Variants in FHOD3 observed in about 807,000 individuals in gnomAD.
FHOD3 encodes the protein formin homology 2 domain containing 3, also known as FH1/FH2 domain-containing protein 3.
Under a neutral mutation model 173.0 loss-of-function variants are expected in FHOD3, and 90 were observed. The ratio of observed to expected loss-of-function variants is 0.52; its 90% confidence interval spans 0.44 to 0.62. The LOEUF (loss-of-function observed/expected upper bound fraction) is 0.62. FHOD3 is among the 20% of genes least tolerant of loss of function. The probability of loss-of-function intolerance (pLI) is 0.00; values close to 1 mark genes in which losing one functional copy is unlikely to be tolerated. For missense variants in FHOD3, 1,945 were observed against 2,034.7 expected (o/e 0.96, Z 0.85); for synonymous variants, 828 against 823.0 (o/e 1.01, Z -0.10).
chr18:36,450,352 A>G (rs931257363), intron 3 of FHOD3, among the ~76,000 whole-genome samples: 1 of 152,214 alleles, frequency 6.6e-6, no homozygotes, highest in Non-Finnish European at 1.5e-5. Context: ...GGCTGCATGC[A>G]GGGGCTCTGA....
chr18:36,310,942 A>G (rs906631186), intron 1 of FHOD3, among the ~76,000 whole-genome samples: 8 of 152,136 alleles, frequency 5.3e-5, no homozygotes, highest in African/African-American at 1.9e-4. Context: ...CTAAGCTAAT[A>G]TATGGGGTTG....
intron 5 of FHOD3, among the ~76,000 whole-genome samples, chr18:36,514,890 G>A (rs1157727358): frequency 6.6e-6 from 1 of 152,214 alleles, no homozygotes; most frequent in African/African-American, 2.4e-5. Context: ...CTGGCAGAGT[G>A]AGTGCCTTCC....
intron 3 of FHOD3, among the ~76,000 whole-genome samples, chr18:36,459,782 C>T (rs981869137): frequency 1.3e-5 from 2 of 152,124 alleles, no homozygotes; most frequent in African/African-American, 4.8e-5. Flanking sequence ...TTATTAACAG[C>T]TTACACTAAG....
At chr18:36,601,126 A>C (rs1007710981) in intron 7 of FHOD3, among the ~76,000 whole-genome samples, 1 of 152,216 alleles carries the variant, frequency 6.6e-6, no homozygotes, top group Non-Finnish European at 1.5e-5. Context: ...AAGTAGTTTG[A>C]TGATCAATAT....
intron 1 of FHOD3, among the ~76,000 whole-genome samples, chr18:36,314,295 G>A (rs1252560227): frequency 2.0e-5 from 3 of 152,146 alleles, no homozygotes; most frequent in East Asian, 3.9e-4. Context: ...CAGGGACAAC[G>A]CCTATGACAG....
chr18:36,469,904 G>A (rs1005960054), intron 3 of FHOD3, among the ~76,000 whole-genome samples: 9 of 152,206 alleles, frequency 5.9e-5, no homozygotes, highest in African/African-American at 9.6e-5. Context: ...ATCAAGCCAC[G>A]TTCATGCATA....
intron 20 of FHOD3, among the ~76,000 whole-genome samples, 200 bp downstream of exon 20, chr18:36,731,004 C>T (rs1450548568): frequency 1.3e-5 from 2 of 152,174 alleles, no homozygotes; most frequent in African/African-American, 4.8e-5. Flanking sequence ...GCAATCTTCA[C>T]TCAGGTTCAT....
chr18:36,581,285 A>AT (rs2148092889), intron 6 of FHOD3, among the ~76,000 whole-genome samples: 1 of 152,322 alleles, frequency 6.6e-6, no homozygotes, highest in South Asian at 2.1e-4. Context: ...ATTCTAATTA[A>AT]TTGGAGTAAG....
chr18:36,667,426 A>G (rs1406974270), intron 14 of FHOD3, among the ~76,000 whole-genome samples: 1 of 152,208 alleles, frequency 6.6e-6, no homozygotes, highest in Non-Finnish European at 1.5e-5. Flanking sequence ...AGATAAACAA[A>G]GATAGAGACA....
chr18:36,445,026 A>G (rs529565100), intron 3 of FHOD3, among the ~76,000 whole-genome samples: 1 of 152,358 alleles, frequency 6.6e-6, no homozygotes, highest in South Asian at 2.1e-4. Flanking sequence ...TTTCCTTCCA[A>G]AAGATTGTAG....
In FHOD3 at chr18:36,652,545, C is replaced by T. The variant is rs1409144405; in HGVS notation, c.1287-25C>T. The T allele has an allele frequency of 4.7e-6, 7 of 1,503,108 alleles. No homozygotes were observed. The Admixed American group carries it at 6.5e-5, about 14-fold the overall frequency. 93.1% of individuals were successfully genotyped at this position (1,503,108 alleles called of 1,614,324 possible). ...TCTCCCAAATCTTTTTTTCTTCTTC[C>T]TCCTCCTCCCTGCTGGCCCAACAGC... On this transcript the variant is annotated intron_variant, in intron 11 of 28. Transcript: ENST00000590592.
At chr18:36,505,301 G>A (rs1183996424) in intron 4 of FHOD3, among the ~76,000 whole-genome samples, 1 of 152,258 alleles carries the variant, frequency 6.6e-6, no homozygotes, top group African/African-American at 2.4e-5. Flanking sequence ...AAACTGGGCA[G>A]TGGCGTAAGT....
intron 16 of FHOD3, among the ~76,000 whole-genome samples, 185 bp downstream of exon 16, chr18:36,687,363 T>G (rs1029009476): frequency 2.0e-5 from 3 of 152,230 alleles, no homozygotes; most frequent in African/African-American, 7.2e-5. Flanking sequence ...AGTTGTCATT[T>G]GGTGCCATCA....
In FHOD3 at chr18:36,744,025, A is replaced by G. The variant is rs756720729; in HGVS notation, c.3880-7A>G. 1 of 1,613,958 alleles carries G rather than the reference A, an allele frequency of 6.2e-7. No homozygotes were observed. The highest frequency in any genetic ancestry group is 1.3e-5 in the African/African-American group (1 of 74,920). ...AAACATGTCTTTTATTGATGTTTGC[A>G]AAACAGGCCAAAGCGTTTGAGTTAA... On this transcript the variant is annotated splice_polypyrimidine_tract_variant and splice_region_variant and intron_variant, in intron 22 of 28. Transcript: ENST00000590592.
At chr18:36,666,512 G>A (rs2037193040) in intron 14 of FHOD3, among the ~76,000 whole-genome samples, 1 of 152,184 alleles carries the variant, frequency 6.6e-6, no homozygotes, top group African/African-American at 2.4e-5. Flanking sequence ...TAGCCAGGTT[G>A]TGAGGACGAT....
intron 16 of FHOD3, among the ~76,000 whole-genome samples, chr18:36,691,295 T>C (rs1402336398): frequency 6.6e-6 from 1 of 152,240 alleles, no homozygotes; most frequent in East Asian, 1.9e-4. Flanking sequence ...ATTTGATTTC[T>C]TGCAGTGGGA....
chr18:36,393,283 G>T (rs906566036), intron 3 of FHOD3, among the ~76,000 whole-genome samples: 4 of 152,146 alleles, frequency 2.6e-5, no homozygotes, highest in African/African-American at 9.7e-5. Context: ...GCATTTAGGG[G>T]TCCAGATCTT....
intron 18 of FHOD3, among the ~76,000 whole-genome samples, chr18:36,716,908 A>ATATGTGTGTG (rs1555818864): frequency 5.2e-5 from 7 of 135,342 alleles, no homozygotes; most frequent in African/African-American, 1.9e-4. Context: ...GAAATTATAT[A>ATATGTGTGTG]TGTGTATGTG....
chr18:36,429,947 C>T (rs16967854), intron 3 of FHOD3, among the ~76,000 whole-genome samples: 4,840 of 152,244 alleles, frequency 0.032, 241 homozygotes, highest in African/African-American at 0.11. Flanking sequence ...TTCGACCAGA[C>T]TCTGCAAGCT....
Sources: allele counts gnomAD v4.1 joint callset (sites outside exome capture counted in the v4.1 genomes callset), GRCh38; gene constraint gnomAD v4.1.1; transcripts MANE v1.5; gene names NCBI Gene and HGNC (gene_info 2026-07-23, HGNC 2026-07-21).